LRRC9: variants seen among roughly 807,000 people sequenced by gnomAD.
LRRC9 encodes leucine-rich repeat-containing protein 9.
Under a neutral mutation model 63.2 loss-of-function variants are expected in LRRC9, and 122 were observed. The observed-to-expected ratio is 1.93, with a 90% CI of 1.67 to 2.24. The LOEUF is 2.24. LRRC9 is among the 30% of genes most tolerant of loss of function. The pLI is 0.00. For missense variants in LRRC9, 1,071 were observed against 627.7 expected (o/e 1.71, Z -7.55); for synonymous variants, 366 against 213.1 (o/e 1.72, Z -6.25).
chr14:59,942,657 G>A lies in LRRC9; in HGVS notation c.727-1932G>A, dbSNP rs1881900644. Among the ~76,000 whole-genome samples the A allele has an allele frequency of 6.6e-6, 1 of 152,160 alleles. No individual in the cohort carries two copies. Among genetic ancestry groups the A allele is most frequent in the Admixed American group, 6.5e-5 (1 of 15,274 alleles). ...GCAGGAGAATCACTTGAACCCAGAAGGCAGAAGTTGCGGTGAGCCGATATC... is the reference window on the plus strand; with the variant it reads ...GCAGGAGAATCACTTGAACCCAGAAAGCAGAAGTTGCGGTGAGCCGATATC... On this transcript the variant is annotated intron_variant, in intron 7 of 31. Transcript: ENST00000445360. This position sits in a 1 kb window ranked among gnomAD's most constrained non-coding sequence, Gnocchi z 5.3.
At chr14:59,968,002 C>CA (rs1175027526) in intron 12 of LRRC9, among the ~76,000 whole-genome samples, 2 of 151,632 alleles carry the variant, frequency 1.3e-5, no homozygotes, top group Non-Finnish European at 2.9e-5. Flanking sequence ...TTCAAATAGC[C>CA]AAAAAAACTA....
chr14:60,035,253 C>T lies in LRRC9; in HGVS notation c.3990+3190C>T, dbSNP rs1892334222. 3.3e-5 allele frequency among the ~76,000 whole-genome samples: 5 copies of T among 151,962 alleles called. No homozygotes were observed. The South Asian group carries it at 1.0e-3, about 32-fold the overall frequency. ...TCTTATGTGTTCTGATTACTAATCC[C>T]TTGTCAGATGGATTGATTGCAAATA... On this transcript the variant is annotated intron_variant, in intron 29 of 31. Transcript: ENST00000445360.
intron 17 of LRRC9, among the ~76,000 whole-genome samples, chr14:59,989,274 G>T (rs1887802180): frequency 6.7e-6 from 1 of 150,048 alleles, no homozygotes; most frequent in African/African-American, 2.5e-5. Flanking sequence ...TCTTCTTCAG[G>T]GACTCCCATT....
chr14:59,925,066 T>A (rs1491003295), intron 1 of LRRC9, among the ~76,000 whole-genome samples: 1 of 152,164 alleles, frequency 6.6e-6, no homozygotes, highest in Non-Finnish European at 1.5e-5. Flanking sequence ...GCTGTCATTC[T>A]CTGTCTGGGG....
chr14:59,977,414 G>A (rs1470326454), intron 14 of LRRC9, 67 bp downstream of exon 14: 2 of 533,800 alleles, frequency 3.7e-6, no homozygotes, highest in Non-Finnish European at 6.6e-6. Context: ...GTTTAATACG[G>A]ATACTCACAA....
chr14:59,973,417 G>A (rs1285583935), intron 12 of LRRC9: 2 of 152,062 alleles, frequency 1.3e-5, no homozygotes, highest in African/African-American at 4.8e-5. Context: ...TTACTTACTG[G>A]GGTGTGGAAT....
rs1275974487 is a variant in LRRC9, at chr14:59,938,868, C to CAT, written c.726+306_726+307dup. Among the ~76,000 whole-genome samples the CAT allele has an allele frequency of 4.1e-5, 6 of 147,306 alleles. No individual in the cohort carries two copies. Among genetic ancestry groups the CAT allele is most frequent in the South Asian group, 2.1e-4 (1 of 4,694 alleles). On this transcript the variant is annotated intron_variant, in intron 7 of 31. Coordinates refer to ENST00000445360, the Ensembl canonical transcript of LRRC9. The surrounding 1 kb of genome is among the most constrained non-coding windows in gnomAD (Gnocchi z 4.2). ...ATCAGTGTTAAAAATAGACTAGTGC[C>CAT]ATATATATATACACACATATATACA...
rs1223865248 is a variant in LRRC9, at chr14:59,958,273, C to T, written c.883-1545C>T. Among the ~76,000 whole-genome samples the T allele has an allele frequency of 6.6e-6, 1 of 152,194 alleles. No individual in the cohort carries two copies. Among genetic ancestry groups the T allele is most frequent in the East Asian group, 1.9e-4 (1 of 5,192 alleles). ...ACCCCTTCCACCAGGTGCTCTGTCC[C>T]AGGGAAGTGGGGTTTTTGTGTGTAA... On this transcript the variant is annotated intron_variant, in intron 8 of 31. Coordinates refer to ENST00000445360, the Ensembl canonical transcript of LRRC9. The surrounding 1 kb of genome is among the most constrained non-coding windows in gnomAD (Gnocchi z 4.0).
rs1883999977 is a variant in LRRC9, at chr14:59,958,334, T to A, written c.883-1484T>A. 6.6e-6 allele frequency among the ~76,000 whole-genome samples: 1 copy of A among 152,176 alleles called. No homozygotes were observed. Among genetic ancestry groups the A allele is most frequent in the Admixed American group, 6.5e-5 (1 of 15,276 alleles). ...GGGGCTGTTACCTTTCCTTGAGAGATGCCCTGCCCAGTGAGGAGGAATCTA... is the reference window on the plus strand; with the variant it reads ...GGGGCTGTTACCTTTCCTTGAGAGAAGCCCTGCCCAGTGAGGAGGAATCTA... On this transcript the variant is annotated intron_variant, in intron 8 of 31. Transcript: ENST00000445360. This position sits in a 1 kb window ranked among gnomAD's most constrained non-coding sequence, Gnocchi z 4.0.
At chr14:59,925,783 T>A (rs1703738245) in intron 1 of LRRC9, among the ~76,000 whole-genome samples, 2 of 152,212 alleles carry the variant, frequency 1.3e-5, no homozygotes, top group Non-Finnish European at 2.9e-5. Flanking sequence ...GTGAAACTTC[T>A]TTCCCTGGTA....
At chr14:59,925,097 A>G (rs1889099718) in intron 1 of LRRC9, among the ~76,000 whole-genome samples, 1 of 151,958 alleles carries the variant, frequency 6.6e-6, no homozygotes, top group Non-Finnish European at 1.5e-5. Flanking sequence ...TGCCTTCAAT[A>G]TGAATATTAA....
rs1432760344 is a variant in LRRC9, at chr14:60,058,271, GT to G, written c.4276+250del. Among the ~76,000 whole-genome samples, 5 of 152,080 alleles carry G rather than the reference GT, an allele frequency of 3.3e-5. No homozygotes were observed. The highest frequency in any genetic ancestry group is 5.9e-5 in the Non-Finnish European group (4 of 67,988). Reference sequence around the variant, plus strand: ...GACTAAACATTTGCTCACTTGCAATGTGAACTTTGTGATACTTGAACAATTA... The same window carrying G: ...GACTAAACATTTGCTCACTTGCAATGGAACTTTGTGATACTTGAACAATTA... On this transcript the variant is annotated intron_variant, in intron 31 of 31. Transcript: ENST00000445360. This position sits in a 1 kb window ranked among gnomAD's most constrained non-coding sequence, Gnocchi z 4.4.
At chr14:59,941,530 A>T (rs969806361) in intron 7 of LRRC9, among the ~76,000 whole-genome samples, 1 of 151,948 alleles carries the variant, frequency 6.6e-6, no homozygotes, top group Non-Finnish European at 1.5e-5. Flanking sequence ...AATAAGTATA[A>T]GTAAGTTTAG....
chr14:60,037,947 A>C (rs956440441), intron 29 of LRRC9, among the ~76,000 whole-genome samples: 4 of 152,072 alleles, frequency 2.6e-5, no homozygotes, highest in African/African-American at 9.7e-5. Context: ...TTTGTATAAG[A>C]TGTAAGGAAG....
rs1292501519 is a variant in LRRC9, at chr14:59,938,441, G to A, written c.595G>A (p.Asp199Asn). 1 of 697,084 alleles carries A rather than the reference G, an allele frequency of 1.4e-6. No individual in the cohort carries two copies. Among genetic ancestry groups the A allele is most frequent in the South Asian group, 1.5e-5 (1 of 66,904 alleles). The allele number at this position is 697,084 out of a possible 1,614,324, so 43.2% of individuals were successfully genotyped here. A position where few individuals can be genotyped will look rare whatever the true frequency, so the allele number is the denominator to read the frequency against. Reference sequence around the variant, plus strand: ...TTGCTTAAAGGATTTATGTCTGAATGACCCTCAATATACAACCAATCCAGT... The same window carrying A: ...TTGCTTAAAGGATTTATGTCTGAATAACCCTCAATATACAACCAATCCAGT... Residue 199 changes from aspartate (D) to asparagine (N), a missense_variant, in exon 7 of 32, where the codon GAC becomes AAC. Coordinates refer to ENST00000445360, the Ensembl canonical transcript of LRRC9. This position sits in a 1 kb window ranked among gnomAD's most constrained non-coding sequence, Gnocchi z 4.2.
intron 14 of LRRC9, 58 bp downstream of exon 14, chr14:59,977,405 T>C (rs1235507207): frequency 1.7e-6 from 1 of 576,688 alleles, no homozygotes; most frequent in Non-Finnish European, 3.1e-6. Context: ...AATGTTTGTG[T>C]TTAATACGGA....
intron 23 of LRRC9, among the ~76,000 whole-genome samples, chr14:60,012,164 A>T (rs1249220590): frequency 6.6e-6 from 1 of 152,198 alleles, no homozygotes; most frequent in Non-Finnish European, 1.5e-5. Flanking sequence ...AGTGTCTGAG[A>T]TATAAATAAA....
intron 27 of LRRC9, 45 bp downstream of exon 27, chr14:60,022,915 C>A (rs779938437): frequency 3.2e-4 from 145 of 460,152 alleles, no homozygotes; most frequent in Non-Finnish European, 4.8e-4. Context: ...TTTTTAAAAA[C>A]TGATTTTATC....
Position 59,930,869 on chromosome 14 carries a change from T to A in LRRC9, c.268-49T>A. On this transcript the variant is annotated intron_variant, in intron 3 of 31. Coordinates refer to ENST00000445360, the Ensembl canonical transcript of LRRC9. This position sits in a 1 kb window ranked among gnomAD's most constrained non-coding sequence, Gnocchi z 4.9. ...TAGAAACCTACTTCATTGGAAGGAT[T>A]AATAGCAAAACATAAACTAACATTA... 2.9e-6 allele frequency: 1 copy of A among 343,530 alleles called. No homozygotes were observed. The highest frequency in any genetic ancestry group is 5.0e-5 in the South Asian group (1 of 19,832). 21.3% of individuals were successfully genotyped at this position (343,530 alleles called of 1,614,324 possible).
Sources: allele counts gnomAD v4.1 joint callset (sites outside exome capture counted in the v4.1 genomes callset), GRCh38; gene constraint gnomAD v4.1.1; non-coding constraint Gnocchi (gnomAD v3.1); transcripts MANE v1.5; gene names NCBI Gene and HGNC (gene_info 2026-07-23, HGNC 2026-07-21).